The following KMT2B variants were observed in gnomAD, a reference collection of about 807,000 sequenced individuals.
KMT2B encodes the protein lysine methyltransferase 2B.
Under a neutral mutation model 255.3 loss-of-function variants are expected in KMT2B, and 22 were observed. The observed-to-expected ratio is 0.09, with a 90% CI of 0.06 to 0.12. The LOEUF is 0.12. Ranked by LOEUF, KMT2B falls within the 10% of genes least tolerant of loss-of-function variation. KMT2B has a pLI of 1.00. For missense variants in KMT2B, 3,149 were observed against 3,737.0 expected (o/e 0.84, Z 4.10); for synonymous variants, 1,730 against 1,498.1 (o/e 1.15, Z -3.57).
At chr19:35,724,847 T>A (rs1599679171) in intron 9 of KMT2B, 116 bp downstream of exon 9, 4 of 1,148,630 alleles carry the variant, frequency 3.5e-6, no homozygotes, top group Non-Finnish European at 5.1e-6. Flanking sequence ...CCCTGAGGGA[T>A]GAGGCGGGCC....
In KMT2B at chr19:35,731,408, C is replaced by T. The variant is rs546893894; in HGVS notation, c.5438-500C>T. Among the ~76,000 whole-genome samples the T allele has an allele frequency of 2.9e-4, 44 of 152,270 alleles. No individual in the cohort carries two copies. In the South Asian group the frequency reaches 3.7e-3, roughly 13 times the overall value. On this transcript the variant is annotated intron_variant, in intron 26 of 36. Coordinates refer to ENST00000420124, the MANE Select transcript of KMT2B (RefSeq NM_014727.3). ...GAAGAGATTTGGATGGTAGGAAGGGCTTTATTCCAGGTTGGAGCATGACAA... is the reference window on the plus strand; with the variant it reads ...GAAGAGATTTGGATGGTAGGAAGGGTTTTATTCCAGGTTGGAGCATGACAA...
chr19:35,718,319 T>C lies in KMT2B; in HGVS notation c.301T>C (p.Trp101Arg), dbSNP rs774099554. Residue 101 changes from tryptophan to arginine, a missense_variant, in exon 1 of 37, where the codon TGG becomes CGG. Coordinates refer to ENST00000420124, the MANE Select transcript of KMT2B (RefSeq NM_014727.3). The surrounding 1 kb of genome is among the most constrained non-coding windows in gnomAD (Gnocchi z 5.0). The stretch of plus-strand genomic sequence containing the variant: ...CCGGGGACGGGGTCGGGGCCGGGGC[T>C]GGGGCCCGAGTCGAGGCTGCGTGCC... ...RGRGRGRGRGWGPSRGCVPEE... is the reference protein window; with the variant it reads ...RGRGRGRGRGRGPSRGCVPEE... 8.0e-7 allele frequency: 1 copy of C among 1,245,570 alleles called. No homozygotes were observed. The highest frequency in any genetic ancestry group is 1.0e-6 in the Non-Finnish European group (1 of 987,474). 77.2% of individuals were successfully genotyped at this position (1,245,570 alleles called of 1,614,324 possible). A position where few individuals can be genotyped will look rare whatever the true frequency, so the allele number is the denominator to read the frequency against.
chr19:35,725,864 A>G lies in KMT2B; in HGVS notation c.3885+46A>G. ...ACTTGCTTTGTCTCTAATGAATATC[A>G]CCACCACCCCCAAACTTGCTCTAGG... On this transcript the variant is annotated intron_variant, in intron 13 of 36. Transcript: ENST00000420124. This position sits in a 1 kb window ranked among gnomAD's most constrained non-coding sequence, Gnocchi z 4.1. The G allele has an allele frequency of 6.8e-7, 1 of 1,471,886 alleles. No homozygotes were observed. The highest frequency in any genetic ancestry group is 9.3e-7 in the Non-Finnish European group (1 of 1,074,938). The allele number at this position is 1,471,886 out of a possible 1,614,324, so 91.2% of individuals were successfully genotyped here.
intron 23 of KMT2B, 78 bp downstream of exon 23, chr19:35,730,203 G>A: frequency 1.2e-6 from 2 of 1,602,740 alleles, no homozygotes; most frequent in Non-Finnish European, 1.7e-6. Context: ...TGGCCCCCAG[G>A]CCTGGCCCTA....
Position 35,738,584 on chromosome 19 carries a change from C to CA in KMT2B, c.*28dup. 6.2e-7 allele frequency: 1 copy of CA among 1,602,424 alleles called. No individual in the cohort carries two copies. The highest frequency in any genetic ancestry group is 1.1e-5 in the South Asian group (1 of 90,016). ...GCCGTGGCTGCCCACCACGACCCCT[C>CA]ACACCTCCTGCTGCCGTCGCTGCCA... On this transcript the variant is annotated 3_prime_UTR_variant, in exon 37 of 37. Coordinates refer to ENST00000420124, the MANE Select transcript of KMT2B (RefSeq NM_014727.3). The surrounding 1 kb of genome is among the most constrained non-coding windows in gnomAD (Gnocchi z 8.7).
rs1420034617 is a variant in KMT2B at position 35,722,479 on chromosome 19, A to G, written c.2571+7A>G. On this transcript the variant is annotated splice_region_variant and intron_variant, in intron 4 of 36. Coordinates refer to ENST00000420124, the MANE Select transcript of KMT2B (RefSeq NM_014727.3). ...TAAGAGAGAGCGGCCCTCAGTATGC[A>G]TCGGGAGGAGGGCCCTGAAGAAGAC... 3 of 1,606,298 alleles carry G rather than the reference A, an allele frequency of 1.9e-6. No individual in the cohort carries two copies. The highest frequency in any genetic ancestry group is 2.5e-6 in the Non-Finnish European group (3 of 1,179,498).
chr19:35,721,500 A>G lies in KMT2B; in HGVS notation c.2153A>G (p.Glu718Gly). Residue 718 changes from glutamate to glycine, a missense_variant, in exon 3 of 37, where the codon GAG (glutamate) becomes GGG (glycine). Around this residue, in one of 18 missense-constraint regions of KMT2B, gnomAD observed 1,188 missense variants for 1,106.4 expected, o/e 1.07. Transcript: ENST00000420124. ...APVVTTPVKA[E>G]VSPHGAPALS... ...GTGGTCACCACTCCTGTTAAGGCCG[A>G]GGTGTCCCCTCACGGGGCTCCAGCT... is the stretch of plus-strand genomic sequence containing the variant. 1.2e-6 allele frequency: 2 copies of G among 1,612,390 alleles called. No individual in the cohort carries two copies. Among genetic ancestry groups the G allele is most frequent in the Non-Finnish European group, 1.7e-6 (2 of 1,179,812 alleles).
rs779906015 is a variant in KMT2B, at chr19:35,737,002, C to T, written c.7372+16C>T. 5 of 1,612,450 alleles carry T rather than the reference C, an allele frequency of 3.1e-6. 1 individual carries two copies. The South Asian group carries it at 5.5e-5, about 18-fold the overall frequency. ...TCCTTTAGTGGTAAGGAGTGGGCCC[C>T]ACAGGGGGCAGGGAGCTGGATGTCT... On this transcript the variant is annotated intron_variant, in intron 32 of 36. Coordinates refer to ENST00000420124, the MANE Select transcript of KMT2B (RefSeq NM_014727.3). The surrounding 1 kb of genome is among the most constrained non-coding windows in gnomAD (Gnocchi z 5.3).
Position 35,725,550 on chromosome 19 carries a change from C to G in KMT2B, c.3714C>G (p.Pro1238=), listed in dbSNP as rs201412061. The G allele has an allele frequency of 2.8e-4, 455 of 1,611,000 alleles. No homozygotes were observed. Among genetic ancestry groups the G allele is most frequent in the Non-Finnish European group, 3.6e-4 (428 of 1,179,884 alleles). ...FCLEEAERPL[P]QHHDTWCCRR... The stretch of plus-strand genomic sequence containing the variant: ...TGGAGGAGGCCGAGCGGCCCCTGCC[C>G]CAGCATCACGACACCTGGTGCTGCC... Residue 1238 remains proline (P), a synonymous_variant, in exon 12 of 37, where the codon CCC becomes CCG. Coordinates refer to ENST00000420124, the MANE Select transcript of KMT2B (RefSeq NM_014727.3). This position sits in a 1 kb window ranked among gnomAD's most constrained non-coding sequence, Gnocchi z 4.1.
In KMT2B at chr19:35,737,872, C is replaced by T. The variant is rs750720191; in HGVS notation, c.7672C>T (p.Leu2558=). The T allele has an allele frequency of 1.7e-5, 26 of 1,574,238 alleles. No homozygotes were observed. Among genetic ancestry groups the T allele is most frequent in the East Asian group, 2.3e-5 (1 of 42,814 alleles). The part of the protein sequence containing the change: ...QLRSTRRATS[L]ELPMAMRFRH... ...GTCCCTCACCAGACGTGCCACCAGC[C>T]TGGAGCTGCCCATGGCCATGCGTTT... The change falls in exon 35 of 37, where the codon CTG becomes TTG. Residue 2558 remains leucine, a synonymous_variant. Transcript: ENST00000420124. This position sits in a 1 kb window ranked among gnomAD's most constrained non-coding sequence, Gnocchi z 5.3.
chr19:35,721,265 T>A lies in KMT2B; in HGVS notation c.1918T>A (p.Ser640Thr), dbSNP rs771667749. ...CTCCCCACCCCCTGCTCCTGCCACC[T>A]CCTCCCGGAGGCCCCTACTCCTTCG... ...APSPPPAPAT[S>T]SRRPLLLRAP... Residue 640 changes from serine to threonine, a missense_variant, in exon 3 of 37, where the codon TCC (serine) becomes ACC (threonine). This residue lies in a region of KMT2B where 1,188 missense variants were observed against 1,106.4 expected (regional missense o/e 1.07). Transcript: ENST00000420124. 4.0e-5 allele frequency: 39 copies of A among 985,724 alleles called. No homozygotes were observed. Among genetic ancestry groups the A allele is most frequent in the Middle Eastern group, 5.3e-4 (2 of 3,800 alleles). The allele number at this position is 985,724 out of a possible 1,614,324, so 61.1% of individuals were successfully genotyped here.
rs1197391404 is a variant in KMT2B, at chr19:35,718,521, C to CTGCA, written c.363+145_363+148dup. On this transcript the variant is annotated intron_variant, in intron 1 of 36. Transcript: ENST00000420124. This position sits in a 1 kb window ranked among gnomAD's most constrained non-coding sequence, Gnocchi z 5.0. The stretch of plus-strand genomic sequence containing the variant: ...GAGACGGGGCACGGAGGGAGGGCGG[C>CTGCA]TGCATGCAGCTTCCGGGGGAAAGGG... The CTGCA allele has an allele frequency of 9.8e-7, 1 of 1,017,144 alleles. No homozygotes were observed. Among genetic ancestry groups the CTGCA allele is most frequent in the African/African-American group, 1.7e-5 (1 of 59,498 alleles). 63.0% of individuals were successfully genotyped at this position (1,017,144 alleles called of 1,614,324 possible).
At chr19:35,722,912 C>G in intron 5 of KMT2B, 83 bp from the exon 6 acceptor site, 1 of 1,452,470 alleles carries the variant, frequency 6.9e-7, no homozygotes, top group South Asian at 1.4e-5. Flanking sequence ...AAAGCGAGAG[C>G]CAGGTTGTGG....
chr19:35,733,741 C>T lies in KMT2B; in HGVS notation c.7050-22C>T, dbSNP rs377155912. On this transcript the variant is annotated intron_variant, in intron 29 of 36. Coordinates refer to ENST00000420124, the MANE Select transcript of KMT2B (RefSeq NM_014727.3). The surrounding 1 kb of genome is among the most constrained non-coding windows in gnomAD (Gnocchi z 4.3). ...GTCTGGGACCTCTGTCCTTCCCCTTCCTGACAGGTCTCTTCTCGCAGGCCC... is the reference window on the plus strand; with the variant it reads ...GTCTGGGACCTCTGTCCTTCCCCTTTCTGACAGGTCTCTTCTCGCAGGCCC... The T allele has an allele frequency of 3.8e-5, 61 of 1,610,854 alleles. No individual in the cohort carries two copies. In the African/African-American group the frequency reaches 7.5e-4, roughly 20 times the overall value.
rs1969363613 is a variant in KMT2B, at chr19:35,724,705, C to T, written c.3403C>T (p.Leu1135Phe). Residue 1135 changes from leucine to phenylalanine, a missense_variant, in exon 9 of 37, where the codon CTC becomes TTC. Physicochemically the swap from Leu to Phe is conservative, Grantham distance 22. Around this residue, in one of 18 missense-constraint regions of KMT2B, gnomAD observed 136 missense variants for 137.3 expected, o/e 0.99. Coordinates refer to ENST00000420124, the MANE Select transcript of KMT2B (RefSeq NM_014727.3). ...ACCTACCCTGCAGCCTGTGTTGCAG[C>T]TCAAGGCCCGAAGGCGCCTGGACAA... ...RKPTLQPVLQ[L>F]KARRRLDKDA... The T allele has an allele frequency of 6.3e-7, 1 of 1,596,296 alleles. No individual in the cohort carries two copies. The highest frequency in any genetic ancestry group is 8.5e-7 in the Non-Finnish European group (1 of 1,171,898).
rs754526910 is a variant in KMT2B at position 35,721,692 on chromosome 19, C to T, written c.2345C>T (p.Ser782Phe). ...AAAGCCCGGATTGCGGGCGTGGGTT[C>T]CTTGCCGCTGTCTGGGGTAGAGGAG... ...LEKARIAGVG[S>F]LPLSGVEEKM... The change falls in exon 3 of 37, where the codon TCC becomes TTC. Residue 782 changes from serine to phenylalanine, a missense_variant. Transcript: ENST00000420124. 2 of 1,611,002 alleles carry T rather than the reference C, an allele frequency of 1.2e-6. No homozygotes were observed. The highest frequency in any genetic ancestry group is 1.7e-6 in the Non-Finnish European group (2 of 1,178,496).
At position 35,723,990 on chromosome 19, in the gene KMT2B, G is replaced by A. The variant is rs201094135; in HGVS notation, c.3317G>A (p.Arg1106Gln). Residue 1106 changes from arginine to glutamine, a missense_variant, in exon 8 of 37, where the codon CGG (arginine) becomes CAG (glutamine). Arg to Gln is a conservative substitution (Grantham distance 43). Coordinates refer to ENST00000420124, the MANE Select transcript of KMT2B (RefSeq NM_014727.3). This position sits in a 1 kb window ranked among gnomAD's most constrained non-coding sequence, Gnocchi z 7.5. ...GGGGGCCCCCCTGCTCCTCGGCGTC[G>A]GACCCCCCGAGAAAATGGTGCGAAC... ...EPGGPPAPRR[R>Q]TPRENELPLP... The A allele has an allele frequency of 5.2e-4, 834 of 1,591,676 alleles. No homozygotes were observed. The highest frequency in any genetic ancestry group is 6.8e-4 in the Non-Finnish European group (792 of 1,169,514).
rs934308479 is a variant in KMT2B at position 35,725,306 on chromosome 19, G to A, written c.3615G>A (p.Leu1205=). The A allele has an allele frequency of 5.1e-6, 8 of 1,571,202 alleles. No individual in the cohort carries two copies. Among genetic ancestry groups the A allele is most frequent in the African/African-American group, 2.7e-5 (2 of 73,582 alleles). ...SVPGGPPMVC[L]LCASKGLHEL... is the part of the protein sequence containing the mutation. The stretch of plus-strand genomic sequence containing the variant: ...CAGGGGGCCCCCCGATGGTGTGCTT[G>A]CTGTGTGCCAGCAAAGGACTCCACG... Residue 1205 remains leucine, a synonymous_variant, in exon 11 of 37, where the codon TTG becomes TTA. Transcript: ENST00000420124. The surrounding 1 kb of genome is among the most constrained non-coding windows in gnomAD (Gnocchi z 4.1).
At position 35,732,314 on chromosome 19, in the gene KMT2B, G is replaced by GGCCGCCTCCATCACGGTGGGC. The variant is rs1178919972; in HGVS notation, c.5766_5786dup (p.Pro1923_Ala1929dup). On this transcript the variant is annotated inframe_insertion, in exon 28 of 37. Transcript: ENST00000420124. ...CGTCGTCCCAGCCCTTTGGCTCCCAGGCCGCCTCCATCACGGTGGGCCTCC... is the reference window on the plus strand; with the variant it reads ...CGTCGTCCCAGCCCTTTGGCTCCCAGGCCGCCTCCATCACGGTGGGCGCCGCCTCCATCACGGTGGGCCTCC... 6.2e-7 allele frequency: 1 copy of GGCCGCCTCCATCACGGTGGGC among 1,611,156 alleles called. No individual in the cohort carries two copies. Among genetic ancestry groups the GGCCGCCTCCATCACGGTGGGC allele is most frequent in the Non-Finnish European group, 8.5e-7 (1 of 1,178,798 alleles).
Sources: gnomAD v4.1 joint callset for allele counts (sites outside exome capture counted in the v4.1 genomes callset) on GRCh38, gnomAD v4.1.1 for gene constraint, gnomAD v4.1.1 regional missense constraint, Gnocchi (gnomAD v3.1) non-coding constraint, MANE v1.5 for transcripts, NCBI Gene and HGNC (gene_info 2026-07-23, HGNC 2026-07-21) for gene names.